The following SGCZ variants were observed in gnomAD, a reference collection of about 807,000 sequenced individuals.
The protein encoded by SGCZ is zeta-sarcoglycan.
Under a neutral mutation model 41.3 loss-of-function variants are expected in SGCZ, and 40 were observed. The observed-to-expected ratio is 0.97, with a 90% CI of 0.75 to 1.26. The LOEUF is 1.26. Among genes scored for constraint, SGCZ ranks in the 50% most tolerant of loss-of-function variants. SGCZ has a pLI of 0.00. For missense variants in SGCZ, 552 were observed against 369.8 expected (o/e 1.49, Z -4.04); for synonymous variants, 206 against 137.5 (o/e 1.50, Z -3.49).
chr8:14,514,574 T>C (rs1017346618), intron 2 of SGCZ, among the ~76,000 whole-genome samples: 2 of 151,000 alleles, frequency 1.3e-5, no homozygotes, highest in African/African-American at 4.9e-5. Flanking sequence ...TTCCCTCTCA[T>C]ACATATATAT....
chr8:14,907,523 G>T (rs1157671513), intron 1 of SGCZ, among the ~76,000 whole-genome samples: 3 of 151,980 alleles, frequency 2.0e-5, no homozygotes, highest in Non-Finnish European at 4.4e-5. Context: ...TTCAACTATT[G>T]GAGGAGCTAA....
At chr8:14,099,124 GC>G (rs1801933247) in intron 7 of SGCZ, among the ~76,000 whole-genome samples, 1 of 152,100 alleles carries the variant, frequency 6.6e-6, no homozygotes, top group Non-Finnish European at 1.5e-5. Flanking sequence ...GATTAAAGGG[GC>G]TGCTATATAT....
chr8:14,263,650 A>G (rs1437780005), intron 3 of SGCZ, among the ~76,000 whole-genome samples: 1 of 152,182 alleles, frequency 6.6e-6, no homozygotes, highest in Non-Finnish European at 1.5e-5. Flanking sequence ...CCCTCCAGTG[A>G]TCATCTACCC....
At chr8:15,089,025 T>C (rs1398458068) in intron 1 of SGCZ, among the ~76,000 whole-genome samples, 1 of 152,170 alleles carries the variant, frequency 6.6e-6, no homozygotes, top group Non-Finnish European at 1.5e-5. Flanking sequence ...GCATAGAAGA[T>C]ATTAATGAGC....
At chr8:15,009,433 T>C (rs1802745634) in intron 1 of SGCZ, among the ~76,000 whole-genome samples, 1 of 133,542 alleles carries the variant, frequency 7.5e-6, no homozygotes, top group Non-Finnish European at 1.7e-5. Flanking sequence ...GAGATTTGGG[T>C]GGGGACAGAA....
intron 2 of SGCZ, among the ~76,000 whole-genome samples, chr8:14,417,246 C>T (rs532434835): frequency 6.6e-6 from 1 of 151,968 alleles, no homozygotes; most frequent in Non-Finnish European, 1.5e-5. Context: ...GTGCAATAGG[C>T]AAGTATAGTC....
chr8:14,451,641 A>C (rs1368415572), intron 2 of SGCZ, among the ~76,000 whole-genome samples: 1 of 152,224 alleles, frequency 6.6e-6, no homozygotes, highest in East Asian at 1.9e-4. Flanking sequence ...TTAAAACTCT[A>C]TGCTAAGTAA....
chr8:14,995,201 T>A (rs1802173084), intron 1 of SGCZ, among the ~76,000 whole-genome samples: 1 of 152,260 alleles, frequency 6.6e-6, no homozygotes, highest in Admixed American at 6.5e-5. Flanking sequence ...GATGATTTGG[T>A]TTTATTTCTG....
intron 1 of SGCZ, among the ~76,000 whole-genome samples, chr8:14,952,352 A>G (rs1316367420): frequency 2.0e-5 from 3 of 151,480 alleles, no homozygotes; most frequent in Admixed American, 2.0e-4. Context: ...TTTTTTTCCT[A>G]CTTTCATTTT....
At chr8:14,246,337 A>G (rs1799088440) in intron 3 of SGCZ, among the ~76,000 whole-genome samples, 1 of 152,076 alleles carries the variant, frequency 6.6e-6, no homozygotes, top group African/African-American at 2.4e-5. Context: ...TCAGTAAACT[A>G]TCGCAAGGAC....
At chr8:14,136,692 C>G (rs985589970) in intron 5 of SGCZ, among the ~76,000 whole-genome samples, 14 of 152,198 alleles carry the variant, frequency 9.2e-5, no homozygotes, top group African/African-American at 3.4e-4. Flanking sequence ...TGAGGCCTGC[C>G]TGCCTCCATA....
At chr8:14,246,572 T>A (rs1433372174) in intron 3 of SGCZ, among the ~76,000 whole-genome samples, 1 of 150,144 alleles carries the variant, frequency 6.7e-6, no homozygotes, top group Non-Finnish European at 1.5e-5. Flanking sequence ...ATTGTGCACA[T>A]GTACCCTAAA....
At chr8:15,214,811 A>T (rs1282642697) in intron 1 of SGCZ, among the ~76,000 whole-genome samples, 2 of 152,182 alleles carry the variant, frequency 1.3e-5, no homozygotes, top group Non-Finnish European at 2.9e-5. Flanking sequence ...TAAGGATATA[A>T]TTTGGCAACT....
chr8:14,521,315 C>T (rs889234762), intron 2 of SGCZ, among the ~76,000 whole-genome samples: 4 of 151,958 alleles, frequency 2.6e-5, no homozygotes, highest in South Asian at 4.1e-4. Flanking sequence ...AATATAACTT[C>T]GGGGAATTGG....
At chr8:15,157,096 C>G (rs1799354209) in intron 1 of SGCZ, among the ~76,000 whole-genome samples, 1 of 152,060 alleles carries the variant, frequency 6.6e-6, no homozygotes, top group Non-Finnish European at 1.5e-5. Context: ...CATACCTGTA[C>G]CCAAATGATG....
intron 1 of SGCZ, among the ~76,000 whole-genome samples, chr8:15,034,954 A>G (rs1803820643): frequency 6.6e-6 from 1 of 152,194 alleles, no homozygotes; most frequent in Non-Finnish European, 1.5e-5. Flanking sequence ...AAGAAAGCCT[A>G]TTGGGAATTT....
chr8:14,244,032 A>G (rs1485466206), intron 3 of SGCZ, among the ~76,000 whole-genome samples: 2 of 152,182 alleles, frequency 1.3e-5, no homozygotes, highest in African/African-American at 4.8e-5. Context: ...TGCATGTTGA[A>G]TGAATGAACT....
chr8:14,943,267 A>G (rs969339314), intron 1 of SGCZ, among the ~76,000 whole-genome samples: 2 of 152,164 alleles, frequency 1.3e-5, no homozygotes, highest in Non-Finnish European at 2.9e-5. Flanking sequence ...ATATACTTCG[A>G]AAAAATAACA....
chr8:14,242,005 T>C (rs535302256), intron 3 of SGCZ, among the ~76,000 whole-genome samples: 2 of 152,312 alleles, frequency 1.3e-5, no homozygotes, highest in South Asian at 2.1e-4. Context: ...TGCTAACCAC[T>C]GGATACAAAA....
Sources: gnomAD v4.1 joint callset for allele counts (sites outside exome capture counted in the v4.1 genomes callset) on GRCh38, gnomAD v4.1.1 for gene constraint, MANE v1.5 for transcripts, NCBI Gene and HGNC (gene_info 2026-07-23, HGNC 2026-07-21) for gene names.